The following GALNTL6 variants were observed in gnomAD, a reference collection of about 807,000 sequenced individuals.
The protein encoded by GALNTL6 is polypeptide N-acetylgalactosaminyltransferase-like 6.
In GALNTL6, 46 loss-of-function variants were observed where a neutral mutation model predicts 73.7. That is an observed-to-expected ratio of 0.62 (90% CI 0.49 to 0.80). GALNTL6 has a LOEUF of 0.80. GALNTL6 is among the 30% of genes least tolerant of loss of function. GALNTL6 has a pLI of 0.00. For synonymous variants in GALNTL6, 259 were observed against 263.7 expected, an observed-to-expected ratio of 0.98 and a Z score of 0.17; for missense variants, 604 against 755.0, an observed-to-expected ratio of 0.80 and a Z score of 2.34.
chr4:173,036,954 T>C (rs563332231), intron 12 of GALNTL6, among the ~76,000 whole-genome samples: 1 of 152,328 alleles, frequency 6.6e-6, no homozygotes, highest in East Asian at 1.9e-4. Context: ...AGACAATTAC[T>C]TGATCCACTG....
intron 5 of GALNTL6, among the ~76,000 whole-genome samples, chr4:172,624,831 A>G (rs1335310740): frequency 6.8e-6 from 1 of 147,652 alleles, no homozygotes; most frequent in East Asian, 2.0e-4. Flanking sequence ...TTTATTTTAT[A>G]TTCAGTGAGT....
chr4:172,649,724 T>C (rs1740393265), intron 5 of GALNTL6, among the ~76,000 whole-genome samples: 1 of 152,300 alleles, frequency 6.6e-6, no homozygotes, highest in Admixed American at 6.5e-5. Flanking sequence ...ATTGTGATTA[T>C]TTCACATTTA....
intron 2 of GALNTL6, among the ~76,000 whole-genome samples, chr4:172,109,047 T>C (rs1003770298): frequency 5.4e-5 from 8 of 149,380 alleles, no homozygotes; most frequent in African/African-American, 1.5e-4. Context: ...AAAAAAGATA[T>C]TTGAATTTGG....
rs114642264 is a variant in GALNTL6 at position 172,404,747 on chromosome 4, G to A, written c.553+56058G>A. 8.5e-3 allele frequency among the ~76,000 whole-genome samples: 1,291 copies of A among 152,208 alleles called. 15 individuals are homozygous for A. The highest frequency in any genetic ancestry group is 0.029 in the African/African-American group (1,222 of 41,574). ...CTAATAGTACATAATATAGCCAATT[G>A]CAAACAGCAGTCTAATTTGTTGATT... On this transcript the variant is annotated intron_variant, in intron 5 of 12. Transcript: ENST00000506823.
At chr4:172,087,165 C>A (rs1280759687) in intron 2 of GALNTL6, among the ~76,000 whole-genome samples, 2 of 152,236 alleles carry the variant, frequency 1.3e-5, no homozygotes, top group Non-Finnish European at 2.9e-5. Flanking sequence ...GAGCACTGGC[C>A]GGGCGCAGTG....
At chr4:172,228,112 C>A (rs983956736) in intron 2 of GALNTL6, among the ~76,000 whole-genome samples, 2 of 152,030 alleles carry the variant, frequency 1.3e-5, no homozygotes, top group African/African-American at 4.8e-5. Context: ...TCAAAAATTT[C>A]TAATTATAAG....
At chr4:172,575,262 G>C (rs113771976) in intron 5 of GALNTL6, among the ~76,000 whole-genome samples, 87 of 152,004 alleles carry the variant, frequency 5.7e-4, no homozygotes, top group African/African-American at 2.0e-3. Flanking sequence ...TTATTTTTAG[G>C]GAATTTTCCT....
At chr4:173,030,198 T>C (rs867151063) in intron 12 of GALNTL6, among the ~76,000 whole-genome samples, 5 of 152,162 alleles carry the variant, frequency 3.3e-5, no homozygotes, top group Middle Eastern at 3.2e-3. Flanking sequence ...TCAGTGCAAA[T>C]TGAAAATTCA....
chr4:171,984,614 C>A (rs573896369), intron 2 of GALNTL6, among the ~76,000 whole-genome samples: 1 of 152,208 alleles, frequency 6.6e-6, no homozygotes, highest in African/African-American at 2.4e-5. Context: ...GTTAAATCAA[C>A]TTACTTTGTA....
chr4:172,357,677 T>TAC (rs1479562870), intron 5 of GALNTL6, among the ~76,000 whole-genome samples: 2 of 127,982 alleles, frequency 1.6e-5, no homozygotes, highest in Admixed American at 7.8e-5. Context: ...ACGGAATTCA[T>TAC]ATATATATGA....
rs1211817873 is a variant in GALNTL6, at chr4:172,583,944, A to G, written c.554-225417A>G. Among the ~76,000 whole-genome samples the G allele has an allele frequency of 2.0e-5, 3 of 151,602 alleles. No homozygotes were observed. In the South Asian group the frequency reaches 6.2e-4, roughly 31 times the overall value. Reference sequence around the variant, plus strand: ...AATCAGATGCTGGGCAGTAGAACGCAATGTAAACTGTATAGGATTCAAAAT... The same window carrying G: ...AATCAGATGCTGGGCAGTAGAACGCGATGTAAACTGTATAGGATTCAAAAT... On this transcript the variant is annotated intron_variant, in intron 5 of 12. Coordinates refer to ENST00000506823, the MANE Select transcript of GALNTL6 (RefSeq NM_001034845.3).
intron 2 of GALNTL6, among the ~76,000 whole-genome samples, chr4:171,908,332 A>T (rs922103425): frequency 3.3e-5 from 5 of 152,130 alleles, no homozygotes; most frequent in Non-Finnish European, 7.4e-5. Context: ...AAAAAGTGGG[A>T]GAAGGACATG....
chr4:172,480,785 A>G (rs1362908076), intron 5 of GALNTL6, among the ~76,000 whole-genome samples: 1 of 152,196 alleles, frequency 6.6e-6, no homozygotes, highest in Middle Eastern at 3.2e-3. Flanking sequence ...ACTCTATCAC[A>G]TGTTCTGGGA....
At chr4:172,316,431 C>T (rs1291141021) in intron 4 of GALNTL6, among the ~76,000 whole-genome samples, 2 of 152,074 alleles carry the variant, frequency 1.3e-5, no homozygotes, top group African/African-American at 4.8e-5. Context: ...TTTATCATTT[C>T]TTTTTTATAT....
At chr4:172,141,666 A>G (rs1008285865) in intron 2 of GALNTL6, among the ~76,000 whole-genome samples, 2 of 151,952 alleles carry the variant, frequency 1.3e-5, no homozygotes, top group Non-Finnish European at 2.9e-5. Context: ...ACAAAAGAGG[A>G]TGGCAGAATT....
intron 2 of GALNTL6, among the ~76,000 whole-genome samples, chr4:171,907,239 G>T (rs1227375808): frequency 6.6e-6 from 1 of 152,138 alleles, no homozygotes; most frequent in African/African-American, 2.4e-5. Flanking sequence ...TGTGTATCTA[G>T]AAAACCCCAT....
At chr4:172,135,451 C>A (rs1445081754) in intron 2 of GALNTL6, among the ~76,000 whole-genome samples, 1 of 151,742 alleles carries the variant, frequency 6.6e-6, no homozygotes, top group African/African-American at 2.4e-5. Flanking sequence ...TGCCACATAA[C>A]CTTTGCTCTT....
intron 5 of GALNTL6, among the ~76,000 whole-genome samples, chr4:172,497,998 T>TTTC (rs1336346165): frequency 6.8e-6 from 1 of 147,548 alleles, no homozygotes; most frequent in Non-Finnish European, 1.5e-5. Flanking sequence ...TTTCTTTTTT[T>TTTC]TTTGTTTTTT....
intron 2 of GALNTL6, among the ~76,000 whole-genome samples, chr4:172,147,714 T>C (rs1386263389): frequency 6.6e-6 from 1 of 152,150 alleles, no homozygotes; most frequent in Non-Finnish European, 1.5e-5. Flanking sequence ...AATAAAAGTA[T>C]GCCTATCAAC....
Sources: gnomAD v4.1 joint callset for allele counts (sites outside exome capture counted in the v4.1 genomes callset) on GRCh38, gnomAD v4.1.1 for gene constraint, MANE v1.5 for transcripts, NCBI Gene and HGNC (gene_info 2026-07-23, HGNC 2026-07-21) for gene names.